Variants in GNG12 observed in about 807,000 individuals in gnomAD.
GNG12 encodes the protein guanine nucleotide-binding protein G(I)/G(S)/G(O) subunit gamma-12.
For missense variants in GNG12, 69 were observed against 83.8 expected, an observed-to-expected ratio of 0.82 and a Z score of 0.69; for synonymous variants, 28 against 29.7, an observed-to-expected ratio of 0.94 and a Z score of 0.19.
intron 2 of GNG12, chr1:67,772,638 AAG>A (rs1432388045): frequency 5.9e-5 from 9 of 152,308 alleles, no homozygotes; most frequent in Non-Finnish European, 1.0e-4. Flanking sequence ...CAAATTCTAA[AAG>A]AGCTGTAACA....
intron 2 of GNG12, among the ~76,000 whole-genome samples, chr1:67,719,292 C>T (rs1289151946): frequency 6.6e-6 from 1 of 152,130 alleles, no homozygotes; most frequent in Non-Finnish European, 1.5e-5. Flanking sequence ...GGTCTGTCTC[C>T]CTAATTAATT....
Position 67,707,614 on chromosome 1 carries a change from C to T in GNG12, c.73G>A (p.Ala25Thr), listed in dbSNP as rs746535321. Residue 25 changes from alanine to threonine, a missense_variant, in exon 3 of 4, where the codon GCC becomes ACC. Ala to Thr is a moderately conservative substitution (Grantham distance 58). Coordinates refer to ENST00000370982, the MANE Select transcript of GNG12 (RefSeq NM_018841.6). Reference protein sequence around the residue: ...RRTVQQLRLEASIERIKVSKA... With the variant: ...RRTVQQLRLETSIERIKVSKA... ...CTTACCTTTATTCTTTCAATGGAGG[C>T]TTCTAATCTTAACTGCTGCACAGTT... 8 of 1,591,320 alleles carry T rather than the reference C, an allele frequency of 5.0e-6. No homozygotes were observed. The East Asian group carries it at 1.8e-4, about 36-fold the overall frequency.
At chr1:67,716,953 C>T (rs780058018) in intron 2 of GNG12, among the ~76,000 whole-genome samples, 2 of 152,160 alleles carry the variant, frequency 1.3e-5, no homozygotes, top group Non-Finnish European at 2.9e-5. Flanking sequence ...TGAGCCAATC[C>T]TCGGCAATAA....
intron 2 of GNG12, among the ~76,000 whole-genome samples, chr1:67,742,441 T>G (rs1646487955): frequency 1.3e-5 from 2 of 152,122 alleles, no homozygotes; most frequent in South Asian, 4.1e-4. Flanking sequence ...GGAAGAAAAC[T>G]CCCACATAGA....
chr1:67,800,878 T>A (rs1242489410), intron 1 of GNG12, among the ~76,000 whole-genome samples: 1 of 152,194 alleles, frequency 6.6e-6, no homozygotes. Context: ...CTAGGGTCTA[T>A]GTACCACACA....
At chr1:67,814,586 G>C (rs894073580) in intron 1 of GNG12, among the ~76,000 whole-genome samples, 1 of 152,168 alleles carries the variant, frequency 6.6e-6, no homozygotes, top group Non-Finnish European at 1.5e-5. Context: ...GTACCTGCCA[G>C]GAAACAGTTC....
rs369816844 is a variant in GNG12 at position 67,761,721 on chromosome 1, A to G, written c.-27+15737T>C. Among the ~76,000 whole-genome samples, 7 of 152,206 alleles carry G rather than the reference A, an allele frequency of 4.6e-5. No homozygotes were observed. The East Asian group carries it at 1.3e-3, about 29-fold the overall frequency. Reference sequence around the variant, plus strand: ...TCCGAGATCGGCAAACTCTCCAACGAGGTATTCCCGTTAACCCTTAGTCCC... The same window carrying G: ...TCCGAGATCGGCAAACTCTCCAACGGGGTATTCCCGTTAACCCTTAGTCCC... On this transcript the variant is annotated intron_variant, in intron 2 of 3. Coordinates refer to ENST00000370982, the MANE Select transcript of GNG12 (RefSeq NM_018841.6).
intron 2 of GNG12, among the ~76,000 whole-genome samples, chr1:67,709,688 T>TG (rs1646270076): frequency 6.7e-6 from 1 of 150,120 alleles, no homozygotes; most frequent in Non-Finnish European, 1.5e-5. Flanking sequence ...CCGAGTGGCC[T>TG]GGCCCAATCC....
At chr1:67,778,341 T>C (rs1646718164) in intron 1 of GNG12, among the ~76,000 whole-genome samples, 1 of 152,140 alleles carries the variant, frequency 6.6e-6, no homozygotes, top group Admixed American at 6.6e-5. Context: ...AAGTAGTCCA[T>C]GGCCACACAT....
chr1:67,733,156 C>A (rs968188958), intron 2 of GNG12, among the ~76,000 whole-genome samples: 10 of 152,188 alleles, frequency 6.6e-5, no homozygotes, highest in Non-Finnish European at 1.3e-4. Flanking sequence ...CCTCTTACTG[C>A]AAAGCCCTCC....
intron 2 of GNG12, among the ~76,000 whole-genome samples, chr1:67,727,090 G>A (rs553407772): frequency 6.6e-6 from 1 of 152,228 alleles, no homozygotes; most frequent in South Asian, 2.1e-4. Flanking sequence ...TGCGTCCAAG[G>A]GTAATTCATC....
chr1:67,713,710 ACTTTCAATGT>A (rs1340288857), intron 2 of GNG12, among the ~76,000 whole-genome samples: 3 of 152,204 alleles, frequency 2.0e-5, no homozygotes, highest in African/African-American at 7.2e-5. Context: ...CTTGCCTTCA[ACTTTCAATGT>A]CTTTCTCTAG....
intron 1 of GNG12, among the ~76,000 whole-genome samples, chr1:67,782,860 T>C (rs1380121400): frequency 6.6e-6 from 1 of 152,270 alleles, no homozygotes; most frequent in South Asian, 2.1e-4. Flanking sequence ...GTGCTGCTAT[T>C]TATTTTTGCA....
chr1:67,748,131 G>C (rs1380084361), intron 2 of GNG12, among the ~76,000 whole-genome samples: 7 of 152,140 alleles, frequency 4.6e-5, no homozygotes, highest in African/African-American at 1.7e-4. Context: ...GAAAGGCAGA[G>C]GGCAGAGATA....
chr1:67,766,114 A>G lies in GNG12; in HGVS notation c.-27+11344T>C, dbSNP rs1223471999. ...CAAAACAAGGCACACACGCACACACACACACACACACACACACACACACAC... is the reference window on the plus strand; with the variant it reads ...CAAAACAAGGCACACACGCACACACGCACACACACACACACACACACACAC... On this transcript the variant is annotated intron_variant, in intron 2 of 3. Coordinates refer to ENST00000370982, the MANE Select transcript of GNG12 (RefSeq NM_018841.6). Among the ~76,000 whole-genome samples the G allele has an allele frequency of 3.3e-3, 166 of 50,460 alleles. 1 individual carries two copies. The highest frequency in any genetic ancestry group is 0.011 in the African/African-American group (151 of 13,472). 33.1% of individuals were successfully genotyped at this position (50,460 alleles called of 152,430 possible).
intron 2 of GNG12, among the ~76,000 whole-genome samples, chr1:67,760,919 T>A (rs1363504410): frequency 6.6e-6 from 1 of 152,236 alleles, no homozygotes; most frequent in Non-Finnish European, 1.5e-5. Context: ...ACTCGCTTCA[T>A]CCTTGACTTG....
At chr1:67,831,167 G>A (rs1040100200) in intron 1 of GNG12, among the ~76,000 whole-genome samples, 3 of 152,102 alleles carry the variant, frequency 2.0e-5, no homozygotes, top group African/African-American at 7.2e-5. Context: ...TGCCTTCCTA[G>A]GTTAAGCTTA....
rs12070972 is a variant in GNG12 at position 67,749,951 on chromosome 1, A to G, written c.-27+27507T>C. Reference sequence around the variant, plus strand: ...CATCTACAGACTCTCCCAGAAATTTACACAAAAACACAAAGTTGGGCTCCA... The same window carrying G: ...CATCTACAGACTCTCCCAGAAATTTGCACAAAAACACAAAGTTGGGCTCCA... On this transcript the variant is annotated intron_variant, in intron 2 of 3. Coordinates refer to ENST00000370982, the MANE Select transcript of GNG12 (RefSeq NM_018841.6). 1.7e-3 allele frequency among the ~76,000 whole-genome samples: 259 copies of G among 152,276 alleles called. 1 individual carries two copies. The highest frequency in any genetic ancestry group is 5.9e-3 in the African/African-American group (244 of 41,542).
intron 3 of GNG12, among the ~76,000 whole-genome samples, chr1:67,706,656 CTTTTT>C (rs60300759): frequency 4.2e-4 from 60 of 141,202 alleles, no homozygotes; most frequent in Non-Finnish European, 4.4e-4. Flanking sequence ...TCTTTTCTTT[CTTTTT>C]TTTTTTTTTT....
Sources: gnomAD v4.1 joint callset for allele counts (sites outside exome capture counted in the v4.1 genomes callset) on GRCh38, gnomAD v4.1.1 for gene constraint, MANE v1.5 for transcripts, NCBI Gene and HGNC (gene_info 2026-07-23, HGNC 2026-07-21) for gene names.